DAB1: variants seen among roughly 807,000 people sequenced by gnomAD.
DAB1 encodes disabled homolog 1.
Under a neutral mutation model 64.6 loss-of-function variants are expected in DAB1, and 15 were observed. That is an observed-to-expected ratio of 0.23 (90% CI 0.16 to 0.36). The LOEUF (loss-of-function observed/expected upper bound fraction) is 0.36. Among genes scored for constraint, DAB1 ranks in the 10% least tolerant of loss-of-function variants. The pLI is 1.00. For synonymous variants in DAB1, 235 were observed against 251.9 expected (o/e 0.93, Z 0.64); for missense variants, 596 against 706.7 (o/e 0.84, Z 1.78).
Position 58,238,909 on chromosome 1 carries a change from T to C in DAB1, n.310-88321A>G, listed in dbSNP as rs774351665. Among the ~76,000 whole-genome samples, 92 of 152,126 alleles carry C rather than the reference T, an allele frequency of 6.0e-4. 1 individual carries two copies. Among genetic ancestry groups the C allele is most frequent in the Non-Finnish European group, 2.2e-4 (15 of 68,018 alleles). On this transcript the variant is annotated intron_variant and non_coding_transcript_variant, in intron 4 of 20. Coordinates refer to the DAB1 transcript ENST00000485760. ...TAAACAGATACACTTACATGAGGCT[T>C]AGAAGGGCATGTTAAAAGAAGGTAT...
intron 5 of DAB1, among the ~76,000 whole-genome samples, chr1:57,972,508 G>A (rs1645822372): frequency 2.0e-5 from 3 of 152,176 alleles, no homozygotes; most frequent in Admixed American, 2.0e-4. Flanking sequence ...CTCCCCAAGT[G>A]CTGGGATTAT....
intron 14 of DAB1, 105 bp from the exon 15 acceptor site, chr1:56,998,233 T>C (rs1198238063): frequency 2.0e-5 from 3 of 152,652 alleles, no homozygotes; most frequent in Non-Finnish European, 4.4e-5. Flanking sequence ...AAGTGACAGT[T>C]TATGATGGAT....
chr1:57,017,241 G>A (rs1646464009), intron 11 of DAB1, among the ~76,000 whole-genome samples: 1 of 152,150 alleles, frequency 6.6e-6, no homozygotes, highest in Non-Finnish European at 1.5e-5. Flanking sequence ...GCAGAGCAGA[G>A]AACAGAGAAG....
At chr1:57,374,228 A>G (rs1469049894) in intron 1 of DAB1, among the ~76,000 whole-genome samples, 1 of 152,250 alleles carries the variant, frequency 6.6e-6, no homozygotes, top group African/African-American at 2.4e-5. Flanking sequence ...TTTTGGCAGT[A>G]AGGTAAACAA....
intron 1 of DAB1, among the ~76,000 whole-genome samples, chr1:57,355,221 C>A (rs1017934798): frequency 6.6e-6 from 1 of 151,820 alleles, no homozygotes; most frequent in African/African-American, 2.4e-5. Context: ...TTTCTCCCTT[C>A]TTTTTCTTCC....
intron 4 of DAB1, among the ~76,000 whole-genome samples, chr1:58,256,134 C>T (rs78732889): frequency 0.076 from 10,516 of 138,916 alleles, 429 homozygotes; most frequent in African/African-American, 0.14. Flanking sequence ...CCATGTGCTA[C>T]CTCTCTCACA....
chr1:57,292,882 G>A (rs1455982951), intron 1 of DAB1, among the ~76,000 whole-genome samples: 15 of 152,060 alleles, frequency 9.9e-5, no homozygotes, highest in Admixed American at 1.3e-4. Context: ...ACACTGGGGC[G>A]GAAAGATGCA....
intron 4 of DAB1, among the ~76,000 whole-genome samples, chr1:57,100,533 C>T (rs1415285659): frequency 1.3e-5 from 2 of 152,126 alleles, no homozygotes; most frequent in African/African-American, 4.8e-5. Context: ...CTGTATTATA[C>T]TGAATCAAAG....
chr1:58,007,815 T>C (rs1044747790), intron 5 of DAB1, among the ~76,000 whole-genome samples: 4 of 152,128 alleles, frequency 2.6e-5, no homozygotes, highest in African/African-American at 7.2e-5. Context: ...TGCAAAAAAA[T>C]ACTAATGACA....
chr1:58,112,940 T>C (rs1342876), intron 5 of DAB1, among the ~76,000 whole-genome samples: 26,380 of 152,126 alleles, frequency 0.17, 2,938 homozygotes, highest in East Asian at 0.51. Flanking sequence ...TGAGACACAA[T>C]GCTTCCTGTG....
chr1:57,593,757 T>C (rs1233982041), intron 7 of DAB1, among the ~76,000 whole-genome samples: 1 of 152,242 alleles, frequency 6.6e-6, no homozygotes, highest in Non-Finnish European at 1.5e-5. Context: ...GTGGACACTC[T>C]GCTTTACTTT....
intron 1 of DAB1, among the ~76,000 whole-genome samples, chr1:57,367,041 C>CATAAAATAAAATAAAATAAA: frequency 1.1e-5 from 1 of 91,278 alleles, no homozygotes; most frequent in Admixed American, 1.1e-4. Context: ...ACCCTGTCTC[C>CATAAAATAAAATAAAATAAA]ACAAAATAAA....
intron 4 of DAB1, among the ~76,000 whole-genome samples, chr1:58,184,584 T>G (rs1444601909): frequency 6.6e-6 from 1 of 152,108 alleles, no homozygotes; most frequent in Non-Finnish European, 1.5e-5. Flanking sequence ...TGAAATGCAG[T>G]AGAATCAGCT....
chr1:57,629,853 T>TC (rs372809954), intron 7 of DAB1, among the ~76,000 whole-genome samples: 15 of 151,680 alleles, frequency 9.9e-5, no homozygotes, highest in Non-Finnish European at 1.3e-4. Context: ...GTTTTTTTTT[T>TC]CCCCCTTAAA....
chr1:57,050,790 CT>C (rs1257988936), intron 9 of DAB1, among the ~76,000 whole-genome samples: 1 of 152,188 alleles, frequency 6.6e-6, no homozygotes, highest in Non-Finnish European at 1.5e-5. Flanking sequence ...AGCAGCCTAT[CT>C]TTATATGCCT....
chr1:57,192,652 G>A (rs897708027), intron 2 of DAB1, among the ~76,000 whole-genome samples: 3 of 152,080 alleles, frequency 2.0e-5, no homozygotes, highest in Non-Finnish European at 4.4e-5. Flanking sequence ...TTCTCTACCT[G>A]CACCATGGCA....
At chr1:58,212,911 T>C (rs1374256141) in intron 4 of DAB1, among the ~76,000 whole-genome samples, 2 of 152,180 alleles carry the variant, frequency 1.3e-5, no homozygotes, top group African/African-American at 4.8e-5. Flanking sequence ...GTTATCAGTG[T>C]TCCAGATCCA....
rs1648784428 is a variant in DAB1, at chr1:57,755,934, C to G, written n.552-106269G>C. On this transcript the variant is annotated intron_variant and non_coding_transcript_variant, in intron 6 of 20. Transcript: ENST00000485760. ...TACTTAAAACAAATAGGAGTAAATA[C>G]TTTAGCTTTGTGCAATGAGGTAGGA... 2.0e-5 allele frequency among the ~76,000 whole-genome samples: 3 copies of G among 152,110 alleles called. No individual in the cohort carries two copies. The South Asian group carries it at 6.2e-4, about 31-fold the overall frequency.
At chr1:57,141,884 G>T (rs1216073296) in intron 3 of DAB1, among the ~76,000 whole-genome samples, 1 of 152,060 alleles carries the variant, frequency 6.6e-6, no homozygotes, top group Non-Finnish European at 1.5e-5. Context: ...ACAATTACGG[G>T]CAAAACTGTG....
Sources: allele counts gnomAD v4.1 joint callset (sites outside exome capture counted in the v4.1 genomes callset), GRCh38; gene constraint gnomAD v4.1.1; transcripts MANE v1.5; gene names NCBI Gene and HGNC (gene_info 2026-07-23, HGNC 2026-07-21).